The following ADAM12 variants were observed in gnomAD, a reference collection of about 807,000 sequenced individuals.
The protein encoded by ADAM12 is disintegrin and metalloproteinase domain-containing protein 12.
Under a neutral mutation model 106.4 loss-of-function variants are expected in ADAM12, and 70 were observed. That is an observed-to-expected ratio of 0.66 (90% CI 0.54 to 0.80). The LOEUF is 0.80. Ranked by LOEUF, ADAM12 falls within the 30% of genes least tolerant of loss-of-function variation. The probability of loss-of-function intolerance (pLI) is 0.00; values close to 1 mark genes in which losing one functional copy is unlikely to be tolerated. For synonymous variants in ADAM12, 420 were observed against 433.5 expected (o/e 0.97, Z 0.39); for missense variants, 1,010 against 1,171.9 (o/e 0.86, Z 2.02).
chr10:126,212,329 T>G (rs919008734), intron 3 of ADAM12, among the ~76,000 whole-genome samples: 1 of 152,232 alleles, frequency 6.6e-6, no homozygotes, highest in Non-Finnish European at 1.5e-5. Flanking sequence ...TTTGTTCTAA[T>G]AATGATCATG....
intron 4 of ADAM12, among the ~76,000 whole-genome samples, chr10:126,141,610 C>G (rs1449120430): frequency 6.6e-6 from 1 of 152,122 alleles, no homozygotes; most frequent in Non-Finnish European, 1.5e-5. Context: ...GGAATAAGAA[C>G]TCTTGAACTT....
At chr10:126,280,270 T>A (rs1029012881) in intron 2 of ADAM12, among the ~76,000 whole-genome samples, 1 of 152,142 alleles carries the variant, frequency 6.6e-6, no homozygotes, top group Non-Finnish European at 1.5e-5. Context: ...ACTAAGGCCA[T>A]ATAACTGGGG....
chr10:126,304,795 A>G (rs1326438739), intron 2 of ADAM12, among the ~76,000 whole-genome samples: 1 of 151,220 alleles, frequency 6.6e-6, no homozygotes, highest in Non-Finnish European at 1.5e-5. Flanking sequence ...AACGTTTACA[A>G]AAAAAAAATA....
intron 18 of ADAM12, 118 bp from the exon 19 acceptor site, chr10:126,039,547 A>ATCACTCACGGGTGTACTCT: frequency 1.6e-6 from 2 of 1,235,474 alleles, no homozygotes; most frequent in African/African-American, 1.5e-5. Context: ...AAGAGAGTAC[A>ATCACTCACGGGTGTACTCT]CCCGTGAGTG....
chr10:126,055,555 C>A (rs994732838), intron 14 of ADAM12, among the ~76,000 whole-genome samples: 1 of 152,144 alleles, frequency 6.6e-6, no homozygotes, highest in Non-Finnish European at 1.5e-5. Context: ...TTAGACTCAG[C>A]GTTTTAGCAA....
rs534863113 is a variant in ADAM12 at position 126,156,626 on chromosome 10, C to G, written c.261-1321G>C. On this transcript the variant is annotated intron_variant, in intron 3 of 22. Transcript: ENST00000448723. Reference sequence around the variant, plus strand: ...TTGTCCAATTCTTTGTTCAAAACACCAAGAACCTGGACATCCTCCAGCAGT... The same window carrying G: ...TTGTCCAATTCTTTGTTCAAAACACGAAGAACCTGGACATCCTCCAGCAGT... Among the ~76,000 whole-genome samples the G allele has an allele frequency of 1.6e-4, 25 of 152,304 alleles. 1 individual carries two copies. Among genetic ancestry groups the G allele is most frequent in the African/African-American group, 6.0e-4 (25 of 41,562 alleles).
chr10:126,307,280 C>T (rs1960887712), intron 2 of ADAM12, among the ~76,000 whole-genome samples: 1 of 152,160 alleles, frequency 6.6e-6, no homozygotes, highest in East Asian at 1.9e-4. Flanking sequence ...TGCTAATTAG[C>T]TTCAAGTCCT....
intron 3 of ADAM12, among the ~76,000 whole-genome samples, chr10:126,207,970 A>C (rs1957826771): frequency 1.3e-5 from 2 of 152,228 alleles, no homozygotes; most frequent in South Asian, 4.1e-4. Context: ...TGATTTCTGT[A>C]ATTTTTTTCT....
chr10:126,070,622 T>C (rs1192481346), intron 12 of ADAM12: 1 of 152,212 alleles, frequency 6.6e-6, no homozygotes, highest in Non-Finnish European at 1.5e-5. Context: ...TAAGTCCATC[T>C]GTGAATTTAG....
At chr10:126,227,244 C>T (rs1237180195) in intron 3 of ADAM12, among the ~76,000 whole-genome samples, 1 of 152,038 alleles carries the variant, frequency 6.6e-6, no homozygotes, top group Non-Finnish European at 1.5e-5. Context: ...CCATGATTAC[C>T]ACATCATCAC....
chr10:126,369,527 A>G (rs1329678789), intron 1 of ADAM12, among the ~76,000 whole-genome samples: 1 of 152,206 alleles, frequency 6.6e-6, no homozygotes, highest in Non-Finnish European at 1.5e-5. Flanking sequence ...GGAGGAGTTC[A>G]GCCAAGTGTT....
intron 4 of ADAM12, among the ~76,000 whole-genome samples, chr10:126,143,428 T>A (rs774561543): frequency 1.0e-3 from 156 of 151,532 alleles, no homozygotes; most frequent in Non-Finnish European, 2.0e-3. Context: ...AATGTGTGTA[T>A]ATGTATGTGT....
intron 3 of ADAM12, among the ~76,000 whole-genome samples, chr10:126,202,741 G>T (rs1456597390): frequency 1.3e-5 from 2 of 152,144 alleles, no homozygotes; most frequent in Admixed American, 1.3e-4. Flanking sequence ...CATATCAACA[G>T]AATTCTCATA....
intron 6 of ADAM12, among the ~76,000 whole-genome samples, chr10:126,111,580 C>T (rs982120218): frequency 2.6e-5 from 4 of 152,124 alleles, no homozygotes; most frequent in African/African-American, 9.7e-5. Context: ...TAGACGTTTA[C>T]ACTTTTCAGC....
At chr10:126,171,224 C>T (rs533250431) in intron 3 of ADAM12, among the ~76,000 whole-genome samples, 11 of 152,234 alleles carry the variant, frequency 7.2e-5, no homozygotes, top group Admixed American at 2.6e-4. Context: ...ATATTTTAGG[C>T]GGCTTTCATT....
chr10:126,170,290 A>G (rs1158619614), intron 3 of ADAM12, among the ~76,000 whole-genome samples: 3 of 152,122 alleles, frequency 2.0e-5, no homozygotes, highest in Non-Finnish European at 4.4e-5. Context: ...GGAGACAGAC[A>G]CCAGCAGGGA....
intron 10 of ADAM12, 87 bp from the exon 11 acceptor site, chr10:126,094,220 T>C: frequency 7.7e-7 from 1 of 1,296,294 alleles, no homozygotes; most frequent in South Asian, 1.5e-5. Flanking sequence ...AAATATACCT[T>C]TCATTAACAT....
intron 11 of ADAM12, among the ~76,000 whole-genome samples, chr10:126,082,387 T>TTTTTTTTTTTG (rs1427154316): frequency 1.4e-5 from 2 of 148,116 alleles, no homozygotes; most frequent in African/African-American, 2.5e-5. Flanking sequence ...TTTTTTTTTT[T>TTTTTTTTTTTG]ATGTGGAGTT....
chr10:126,310,870 T>C (rs1486679598), intron 2 of ADAM12, among the ~76,000 whole-genome samples: 1 of 151,930 alleles, frequency 6.6e-6, no homozygotes, highest in South Asian at 2.1e-4. Context: ...AATTGTGCAC[T>C]ATGAGAGGGA....
Sources: gnomAD v4.1 joint callset for allele counts (sites outside exome capture counted in the v4.1 genomes callset) on GRCh38, gnomAD v4.1.1 for gene constraint, MANE v1.5 for transcripts, NCBI Gene and HGNC (gene_info 2026-07-23, HGNC 2026-07-21) for gene names.